The following FAM184B variants were observed in gnomAD, a reference collection of about 807,000 sequenced individuals.
FAM184B encodes the protein protein FAM184B.
FAM184B carries 111 observed loss-of-function variants against 135.9 expected under a neutral mutation model. The ratio of observed to expected loss-of-function variants is 0.82; its 90% CI spans 0.70 to 0.96. FAM184B has a LOEUF of 0.96. Among genes scored for constraint, FAM184B ranks in the 40% least tolerant of loss-of-function variants. The probability of loss-of-function intolerance (pLI) is 0.00; values close to 1 mark genes in which losing one functional copy is unlikely to be tolerated. For synonymous variants in FAM184B, 552 were observed against 524.8 expected (o/e 1.05, Z -0.71); for missense variants, 1,375 against 1,323.9 (o/e 1.04, Z -0.60).
At chr4:17,642,026 C>A in intron 13 of FAM184B, 30 bp downstream of exon 13, 1 of 1,505,264 alleles carries the variant, frequency 6.6e-7, no homozygotes, top group East Asian at 2.6e-5. Context: ...GTGAGGGTGG[C>A]GCGGTGGCGG....
In FAM184B at chr4:17,707,737, C is replaced by T. The variant is rs1166170598; in HGVS notation, c.942G>A (p.Leu314=). 1.3e-6 allele frequency: 2 copies of T among 1,551,924 alleles called. No homozygotes were observed. Among genetic ancestry groups the T allele is most frequent in the African/African-American group, 1.4e-5 (1 of 73,178 alleles). ...LKEARQENSE[L]KGTAKKLGEK... Reference sequence around the variant, plus strand: ...CCCCAAGTTTTTTTGCAGTGCCTTTCAACTCTGAATTCTCCTGTCGAGCCT... The same window carrying T: ...CCCCAAGTTTTTTTGCAGTGCCTTTTAACTCTGAATTCTCCTGTCGAGCCT... Residue 314 remains leucine, a synonymous_variant, in exon 3 of 18, where the codon TTG becomes TTA. Coordinates refer to ENST00000265018, the MANE Select transcript of FAM184B (RefSeq NM_015688.2).
rs556641569 is a variant in FAM184B at position 17,641,024 on chromosome 4, C to T, written c.2519+1032G>A. Among the ~76,000 whole-genome samples, 7 of 152,290 alleles carry T rather than the reference C, an allele frequency of 4.6e-5. No individual in the cohort carries two copies. In the South Asian group the frequency reaches 1.2e-3, roughly 27 times the overall value. On this transcript the variant is annotated intron_variant, in intron 13 of 17. Coordinates refer to ENST00000265018, the MANE Select transcript of FAM184B (RefSeq NM_015688.2). ...TCTCAACTCAGTGCAACCTCCACCT[C>T]CCAGGCTCAAGCAATCCCCCCTCAC... is the stretch of plus-strand genomic sequence containing the variant.
intron 7 of FAM184B, among the ~76,000 whole-genome samples, chr4:17,666,305 C>CTTTTTT (rs71167320): frequency 7.6e-6 from 1 of 131,276 alleles, no homozygotes; most frequent in Non-Finnish European, 1.6e-5. Flanking sequence ...CCCTGGAATT[C>CTTTTTT]TTTTTTTTTT....
Position 17,658,536 on chromosome 4 carries a change from C to T in FAM184B, c.1851G>A (p.Glu617=), listed in dbSNP as rs1441140785. The change falls in exon 10 of 18, where the codon GAG becomes GAA. Residue 617 remains glutamate (E), a synonymous_variant. Transcript: ENST00000265018. ...CCTCCCTGTAGTTGCTGGTGCACTGCTCCAGAGCCTGCTGCATCTGTGAGA... is the reference window on the plus strand; with the variant it reads ...CCTCCCTGTAGTTGCTGGTGCACTGTTCCAGAGCCTGCTGCATCTGTGAGA... The part of the protein sequence containing the change: ...AQVSQMQQAL[E]QCTSNYREDL... The T allele has an allele frequency of 3.2e-6, 5 of 1,551,156 alleles. No homozygotes were observed. Among genetic ancestry groups the T allele is most frequent in the Admixed American group, 3.9e-5 (2 of 50,990 alleles).
At chr4:17,703,294 C>T (rs750542984) in intron 5 of FAM184B, among the ~76,000 whole-genome samples, 9 of 151,270 alleles carry the variant, frequency 5.9e-5, no homozygotes, top group South Asian at 2.1e-4. Context: ...TCCAGGAGTT[C>T]GAGACCAGCT....
chr4:17,673,383 A>T (rs1298984432), intron 7 of FAM184B, among the ~76,000 whole-genome samples: 2 of 152,176 alleles, frequency 1.3e-5, no homozygotes, highest in Non-Finnish European at 2.9e-5. Flanking sequence ...AAAACTAGGA[A>T]CTACCGTTTG....
Position 17,635,104 on chromosome 4 carries a change from T to A in FAM184B, c.2794A>T (p.Arg932Ter). The change falls in exon 16 of 18, where the codon AGA (arginine) becomes TGA (stop). Residue 932 changes from arginine to a stop codon, truncating the protein, a stop_gained. Transcript: ENST00000265018. LOFTEE classifies it high-confidence loss of function. ...CTGGGGAATGCTGCGTAGTGAAATC[T>A]TCTCTCTTCCTAGAAAACCAATACA... ...DIIKQLTEER[R>*]FHYAAFPSAM... is the part of the protein sequence containing the mutation. 4 of 1,551,294 alleles carry A rather than the reference T, an allele frequency of 2.6e-6. No individual in the cohort carries two copies. The highest frequency in any genetic ancestry group is 1.7e-4 in the Middle Eastern group (1 of 5,992).
chr4:17,744,579 C>A (rs1286659623), intron 1 of FAM184B, among the ~76,000 whole-genome samples: 1 of 151,574 alleles, frequency 6.6e-6, no homozygotes, highest in Non-Finnish European at 1.5e-5. Context: ...TCCCATGTAA[C>A]AAGAAAGCCA....
intron 5 of FAM184B, among the ~76,000 whole-genome samples, chr4:17,698,490 T>C (rs1309252377): frequency 1.3e-5 from 2 of 152,180 alleles, no homozygotes; most frequent in African/African-American, 4.8e-5. Context: ...ACTTGTTAAC[T>C]TTTTTCAAAA....
intron 1 of FAM184B, among the ~76,000 whole-genome samples, chr4:17,773,314 C>T (rs1718858750): frequency 6.6e-6 from 1 of 152,222 alleles, no homozygotes; most frequent in African/African-American, 2.4e-5. Context: ...CATGGAGAAA[C>T]TGCAACCACT....
In FAM184B at chr4:17,688,444, A is replaced by C. The variant is rs1298027069; in HGVS notation, c.1576T>G (p.Cys526Gly). Reference protein sequence around the residue: ...ESPQELGRQHCSILETQDPCL... With the variant: ...ESPQELGRQHGSILETQDPCL... Reference sequence around the variant, plus strand: ...GTTACCTGGGTCTCCAGAATGCTGCAGTGCTGGCGGCCTAATTCCTGGGGA... The same window carrying C: ...GTTACCTGGGTCTCCAGAATGCTGCCGTGCTGGCGGCCTAATTCCTGGGGA... The change falls in exon 7 of 18, where the codon TGC (cysteine) becomes GGC (glycine). Residue 526 changes from cysteine (C) to glycine (G), a missense_variant. Transcript: ENST00000265018. The C allele has an allele frequency of 7.1e-6, 11 of 1,550,278 alleles. No homozygotes were observed. Among genetic ancestry groups the C allele is most frequent in the Non-Finnish European group, 9.6e-6 (11 of 1,146,616 alleles).
At chr4:17,666,169 T>C (rs1716044126) in intron 7 of FAM184B, among the ~76,000 whole-genome samples, 1 of 152,150 alleles carries the variant, frequency 6.6e-6, no homozygotes, top group Admixed American at 6.5e-5. Context: ...CCAGATCTTT[T>C]ACTTATTAAC....
At chr4:17,714,590 G>A (rs955260582) in intron 1 of FAM184B, among the ~76,000 whole-genome samples, 5 of 152,036 alleles carry the variant, frequency 3.3e-5, no homozygotes, top group African/African-American at 1.2e-4. Context: ...ACCTGTTTGG[G>A]GTCCCTGAGA....
chr4:17,725,636 A>C (rs1292416174), intron 1 of FAM184B, among the ~76,000 whole-genome samples: 2 of 152,190 alleles, frequency 1.3e-5, no homozygotes, highest in Non-Finnish European at 2.9e-5. Flanking sequence ...GTGTAAAGGC[A>C]TCTCCATTTT....
intron 1 of FAM184B, among the ~76,000 whole-genome samples, chr4:17,748,119 A>AAAAAG (rs1560192295): frequency 8.0e-5 from 12 of 149,802 alleles, no homozygotes; most frequent in East Asian, 6.0e-4. Flanking sequence ...AAAAAAAAAA[A>AAAAAG]AAAAGAAAAG....
Position 17,709,558 on chromosome 4 carries a change from A to C in FAM184B, c.228T>G (p.Asn76Lys), listed in dbSNP as rs1047385001. ...LREAHQEELQ[N>K]AVAETKARLL... ...GCCTGGCCTTGGTCTCTGCCACCGC[A>C]TTCTGGAGCTCCTCCTGGTGCGCTT... The change falls in exon 2 of 18, where the codon AAT (asparagine) becomes AAG (lysine). Residue 76 changes from asparagine to lysine, a missense_variant. By Grantham distance (94) the Asn-to-Lys change is moderately conservative (BLOSUM62 0). Coordinates refer to ENST00000265018, the MANE Select transcript of FAM184B (RefSeq NM_015688.2). The C allele has an allele frequency of 1.4e-5, 22 of 1,550,534 alleles. No individual in the cohort carries two copies. Among genetic ancestry groups the C allele is most frequent in the Non-Finnish European group, 1.9e-5 (22 of 1,146,904 alleles).
rs1163353670 is a variant in FAM184B, at chr4:17,630,037, C to T, written c.*2495G>A. ...CAGGGTAGAATTTAGAAATTTAAGA[C>T]TGAAAGATCTTTTCAGTCACCTGCA... is the stretch of plus-strand genomic sequence containing the variant. On this transcript the variant is annotated 3_prime_UTR_variant, in exon 18 of 18. Coordinates refer to ENST00000265018, the MANE Select transcript of FAM184B (RefSeq NM_015688.2). The T allele has an allele frequency of 2.6e-5, 4 of 152,122 alleles. No homozygotes were observed. Among genetic ancestry groups the T allele is most frequent in the Non-Finnish European group, 5.9e-5 (4 of 68,024 alleles). 9.4% of individuals were successfully genotyped at this position (152,122 alleles called of 1,614,324 possible). A position where few individuals can be genotyped will look rare whatever the true frequency, so the allele number is the denominator to read the frequency against.
intron 1 of FAM184B, among the ~76,000 whole-genome samples, chr4:17,749,432 C>T (rs1718245389): frequency 6.6e-6 from 1 of 151,640 alleles, no homozygotes. Flanking sequence ...AAAAAAGATG[C>T]TTCAGGAAAG....
chr4:17,701,978 C>T (rs1054303111), intron 5 of FAM184B, among the ~76,000 whole-genome samples: 9 of 152,156 alleles, frequency 5.9e-5, no homozygotes, highest in African/African-American at 2.2e-4. Context: ...TAAGTAACCA[C>T]ACATGTCTAG....
Sources: gnomAD v4.1 joint callset for allele counts (sites outside exome capture counted in the v4.1 genomes callset) on GRCh38, gnomAD v4.1.1 for gene constraint, MANE v1.5 for transcripts, NCBI Gene and HGNC (gene_info 2026-07-23, HGNC 2026-07-21) for gene names.